The following NOVA1 variants were observed in gnomAD, a reference collection of about 807,000 sequenced individuals.
The protein encoded by NOVA1 is RNA-binding protein Nova-1.
In NOVA1, 7 loss-of-function variants were observed where a neutral mutation model predicts 38.0. The observed-to-expected ratio is 0.18, with a 90% confidence interval of 0.10 to 0.35. The LOEUF is 0.35. Ranked by LOEUF, NOVA1 falls within the 10% of genes least tolerant of loss-of-function variation. The probability of loss-of-function intolerance (pLI) is 1.00; values close to 1 mark genes in which losing one functional copy is unlikely to be tolerated. For missense variants in NOVA1, 460 were observed against 616.0 expected, an observed-to-expected ratio of 0.75 and a Z score of 2.68; for synonymous variants, 270 against 232.5, an observed-to-expected ratio of 1.16 and a Z score of -1.47.
chr14:26,490,998 C>T (rs908901601), intron 2 of NOVA1, among the ~76,000 whole-genome samples: 3 of 151,870 alleles, frequency 2.0e-5, no homozygotes, highest in Non-Finnish European at 4.4e-5. Context: ...TACAGGCGCC[C>T]GCCACCACGC....
rs568587956 is a variant in NOVA1 at position 26,514,706 on chromosome 14, TA to T, written c.281-34564del. On this transcript the variant is annotated intron_variant, in intron 2 of 4. Coordinates refer to ENST00000539517, the MANE Select transcript of NOVA1 (RefSeq NM_002515.3). ...ATTATACCAGTACGGCCTTGCTACA[TA>T]AAAACAGCCTTGATTTATTTCATTT... Among the ~76,000 whole-genome samples, 644 of 151,946 alleles carry T rather than the reference TA, an allele frequency of 4.2e-3. 2 individuals carry two copies. Among genetic ancestry groups the T allele is most frequent in the Admixed American group, 6.8e-3 (104 of 15,270 alleles).
chr14:26,557,227 T>C (rs916675389), intron 2 of NOVA1, among the ~76,000 whole-genome samples: 10 of 152,190 alleles, frequency 6.6e-5, no homozygotes, highest in African/African-American at 1.9e-4. Context: ...TAGTATCTCC[T>C]TAGGGAAGTG....
At chr14:26,509,327 T>C (rs1887879724) in intron 2 of NOVA1, among the ~76,000 whole-genome samples, 1 of 152,108 alleles carries the variant, frequency 6.6e-6, no homozygotes. Flanking sequence ...GGTGATAAGA[T>C]TATGAAATAT....
chr14:26,470,473 C>A (rs1455559823), intron 4 of NOVA1: 42 of 1,557,616 alleles, frequency 2.7e-5, no homozygotes, highest in Non-Finnish European at 3.6e-5. Flanking sequence ...TTCATGATAT[C>A]CAGGAGATAT....
chr14:26,570,823 T>C (rs564547839), intron 2 of NOVA1, among the ~76,000 whole-genome samples: 2 of 152,176 alleles, frequency 1.3e-5, no homozygotes, highest in Non-Finnish European at 2.9e-5. Flanking sequence ...TCACCCCTAA[T>C]AAAGTATTCC....
intron 2 of NOVA1, among the ~76,000 whole-genome samples, chr14:26,538,457 C>T (rs1890253913): frequency 6.6e-6 from 1 of 152,018 alleles, no homozygotes; most frequent in Admixed American, 6.6e-5. Context: ...TACATTTTTA[C>T]CATGGAAAAG....
chr14:26,443,342 T>A lies in NOVA1; in HGVS notation c.*4617A>T, dbSNP rs1881830064. On this transcript the variant is annotated 3_prime_UTR_variant, in exon 5 of 5. Transcript: ENST00000539517. ...CGTTAAATATTTTTCCTTAAAAAAA[T>A]AATCTAATCAAAATATTGAATACTT... The A allele has an allele frequency of 6.6e-6, 1 of 151,940 alleles. No homozygotes were observed. Among genetic ancestry groups the A allele is most frequent in the African/African-American group, 2.4e-5 (1 of 41,430 alleles). 9.4% of individuals were successfully genotyped at this position (151,940 alleles called of 1,614,324 possible). A position where few individuals can be genotyped will look rare whatever the true frequency, so the allele number is the denominator to read the frequency against.
rs560532723 is a variant in NOVA1, at chr14:26,456,322, A to G, written c.520-7359T>C. Among the ~76,000 whole-genome samples, 3 of 152,144 alleles carry G rather than the reference A, an allele frequency of 2.0e-5. No individual in the cohort carries two copies. The East Asian group carries it at 5.8e-4, about 29-fold the overall frequency. ...TATCCATTTTAAGCTTAAAATGCCTATCAGTCATCCAAGTGAAGATGCCAA... is the reference window on the plus strand; with the variant it reads ...TATCCATTTTAAGCTTAAAATGCCTGTCAGTCATCCAAGTGAAGATGCCAA... On this transcript the variant is annotated intron_variant, in intron 4 of 4. Transcript: ENST00000539517.
In NOVA1 at chr14:26,446,567, A is replaced by G. The variant is rs1882090591; in HGVS notation, c.*1392T>C. 1 of 152,704 alleles carries G rather than the reference A, an allele frequency of 6.5e-6. No homozygotes were observed. Among genetic ancestry groups the G allele is most frequent in the African/African-American group, 2.4e-5 (1 of 41,458 alleles). 9.5% of individuals were successfully genotyped at this position (152,704 alleles called of 1,614,324 possible). On this transcript the variant is annotated 3_prime_UTR_variant, in exon 5 of 5. Coordinates refer to ENST00000539517, the MANE Select transcript of NOVA1 (RefSeq NM_002515.3). ...ATTTTATTTTTGTCCATTGAATTTAAGACTGCATGCACAGCATGAGGAGGT... is the reference window on the plus strand; with the variant it reads ...ATTTTATTTTTGTCCATTGAATTTAGGACTGCATGCACAGCATGAGGAGGT...
chr14:26,491,683 A>G (rs2138357199), intron 2 of NOVA1, among the ~76,000 whole-genome samples: 1 of 152,316 alleles, frequency 6.6e-6, no homozygotes, highest in East Asian at 1.9e-4. Context: ...AGGTGTCCCA[A>G]CAACACTTGT....
chr14:26,465,261 G>A (rs1282067226), intron 4 of NOVA1, among the ~76,000 whole-genome samples: 4 of 151,976 alleles, frequency 2.6e-5, no homozygotes, highest in Non-Finnish European at 5.9e-5. Flanking sequence ...TGGAACCTCC[G>A]CCTCCCGGGT....
intron 3 of NOVA1, among the ~76,000 whole-genome samples, chr14:26,473,002 G>A (rs976610955): frequency 1.3e-5 from 2 of 151,708 alleles, no homozygotes; most frequent in African/African-American, 4.8e-5. Flanking sequence ...GTCTGAAAAT[G>A]TAAACATTAA....
At chr14:26,545,641 CAT>C (rs915735135) in intron 2 of NOVA1, among the ~76,000 whole-genome samples, 5 of 152,092 alleles carry the variant, frequency 3.3e-5, no homozygotes, top group Admixed American at 2.0e-4. Flanking sequence ...CACTCTTTCA[CAT>C]ATGTTTTATT....
chr14:26,500,336 T>C (rs1240108985), intron 2 of NOVA1, among the ~76,000 whole-genome samples: 1 of 152,062 alleles, frequency 6.6e-6, no homozygotes, highest in Non-Finnish European at 1.5e-5. Flanking sequence ...AAAGAATAAA[T>C]AGATGGCAGG....
At chr14:26,490,314 A>C (rs1426331414) in intron 2 of NOVA1, among the ~76,000 whole-genome samples, 2 of 152,146 alleles carry the variant, frequency 1.3e-5, no homozygotes, top group Non-Finnish European at 2.9e-5. Flanking sequence ...GCTGCAATGA[A>C]CACTGGTAGC....
chr14:26,565,961 A>G (rs1892113771), intron 2 of NOVA1, among the ~76,000 whole-genome samples: 1 of 152,188 alleles, frequency 6.6e-6, no homozygotes, highest in Non-Finnish European at 1.5e-5. Flanking sequence ...GAGGAGAAAG[A>G]AAGAGAACAT....
chr14:26,482,855 A>C (rs531613580), intron 2 of NOVA1, among the ~76,000 whole-genome samples: 1 of 152,038 alleles, frequency 6.6e-6, no homozygotes, highest in Non-Finnish European at 1.5e-5. Context: ...AGGCACCACC[A>C]TGCCTGGCTA....
At chr14:26,449,928 T>G (rs1436650903) in intron 4 of NOVA1, among the ~76,000 whole-genome samples, 2 of 152,248 alleles carry the variant, frequency 1.3e-5, no homozygotes, top group South Asian at 4.1e-4. Context: ...ATAAAAATTA[T>G]TATAAGAAAT....
chr14:26,597,263 G>A (rs1424248312), intron 1 of NOVA1, 38 bp downstream of exon 1: 2 of 1,232,000 alleles, frequency 1.6e-6, no homozygotes, highest in Non-Finnish European at 1.0e-6. Context: ...GCGGGCGGCG[G>A]GGGATGGGGC....
Sources: allele counts gnomAD v4.1 joint callset (sites outside exome capture counted in the v4.1 genomes callset), GRCh38; gene constraint gnomAD v4.1.1; transcripts MANE v1.5; gene names NCBI Gene and HGNC (gene_info 2026-07-23, HGNC 2026-07-21).